The following KNDC1 variants were observed in gnomAD, a reference collection of about 807,000 sequenced individuals.
The protein encoded by KNDC1 is kinase non-catalytic C-lobe domain-containing protein 1.
Under a neutral mutation model 172.8 loss-of-function variants are expected in KNDC1, and 106 were observed. That is an observed-to-expected ratio of 0.61 (90% CI 0.52 to 0.72). The LOEUF (loss-of-function observed/expected upper bound fraction) is 0.72. Ranked by LOEUF, KNDC1 falls within the 30% of genes least tolerant of loss-of-function variation. KNDC1 has a pLI of 0.00. For synonymous variants in KNDC1, 1,083 were observed against 1,062.2 expected (o/e 1.02, Z -0.38); for missense variants, 2,325 against 2,394.5 (o/e 0.97, Z 0.61).
In KNDC1 at chr10:133,211,506, C is replaced by T. The variant is rs755588667; in HGVS notation, c.3993C>T (p.Tyr1331=). 1.8e-5 allele frequency: 29 copies of T among 1,613,882 alleles called. No individual in the cohort carries two copies. Among genetic ancestry groups the T allele is most frequent in the Non-Finnish European group, 2.3e-5 (27 of 1,179,906 alleles). Residue 1331 remains tyrosine, a synonymous_variant, in exon 22 of 30, where the codon TAC becomes TAT. Transcript: ENST00000304613. ...TGCAGGCCTGGGTGGAGGACTGCTACGCTGTGGACTTCCCTCGGAACAGCG... is the reference window on the plus strand; with the variant it reads ...TGCAGGCCTGGGTGGAGGACTGCTATGCTGTGGACTTCCCTCGGAACAGCG... ...CVLQAWVEDC[Y]AVDFPRNSGL...
At chr10:133,177,321 G>A (rs1196424073) in intron 3 of KNDC1, among the ~76,000 whole-genome samples, 1 of 152,016 alleles carries the variant, frequency 6.6e-6, no homozygotes, top group African/African-American at 2.4e-5. Context: ...CATGTATGTA[G>A]CGTGGTGTCA....
intron 26 of KNDC1, among the ~76,000 whole-genome samples, chr10:133,215,232 T>G (rs1845448660): frequency 1.3e-5 from 2 of 152,228 alleles, no homozygotes; most frequent in South Asian, 4.1e-4. Flanking sequence ...CCGTCCCTGC[T>G]GCTGTCCCAG....
intron 11 of KNDC1, 121 bp from the exon 12 acceptor site, chr10:133,197,554 C>T (rs960848884): frequency 2.6e-6 from 2 of 783,038 alleles, no homozygotes; most frequent in Non-Finnish European, 4.4e-6. Context: ...CCGCCATGCC[C>T]GGCTCCTCCC....
At chr10:133,165,457 C>T (rs1218670242) in intron 1 of KNDC1, among the ~76,000 whole-genome samples, 1 of 152,124 alleles carries the variant, frequency 6.6e-6, no homozygotes, top group Non-Finnish European at 1.5e-5. Flanking sequence ...GAGTGACAGC[C>T]AGAGGCACCC....
chr10:133,211,432 G>A lies in KNDC1; in HGVS notation c.3919G>A (p.Asp1307Asn). The A allele has an allele frequency of 6.2e-7, 1 of 1,613,086 alleles. No homozygotes were observed. Among genetic ancestry groups the A allele is most frequent in the Non-Finnish European group, 8.5e-7 (1 of 1,179,736 alleles). The change falls in exon 22 of 30, where the codon GAC becomes AAC. Residue 1307 changes from aspartate (D) to asparagine (N), a missense_variant. Asp to Asn is a conservative substitution (Grantham distance 23). Coordinates refer to ENST00000304613, the MANE Select transcript of KNDC1 (RefSeq NM_152643.8). ...CCCCTGCGTCTCCAGGGCCCACCAGGACCCCACCTCGACCTTCACCAAGAT... is the reference window on the plus strand; with the variant it reads ...CCCCTGCGTCTCCAGGGCCCACCAGAACCCCACCTCGACCTTCACCAAGAT... ...INSTLTRAHQ[D>N]PTSTFTKIYR...
intron 29 of KNDC1, among the ~76,000 whole-genome samples, chr10:133,223,943 G>A (rs1390452921): frequency 7.3e-6 from 1 of 136,242 alleles, no homozygotes; most frequent in Non-Finnish European, 1.6e-5. Flanking sequence ...GCGTGTGTGT[G>A]TGTGTGTGAG....
chr10:133,210,364 CAAAAAAAA>C (rs57759593), intron 20 of KNDC1, among the ~76,000 whole-genome samples: 6 of 74,470 alleles, frequency 8.1e-5, no homozygotes, highest in Admixed American at 1.8e-4. Flanking sequence ...GAAACTCTGC[CAAAAAAAA>C]AAAAAAAAAA....
rs1845525613 is a variant in KNDC1 at position 133,218,959 on chromosome 10, TC to T, written c.4800+11del. 1 of 1,613,544 alleles carries T rather than the reference TC, an allele frequency of 6.2e-7. No homozygotes were observed. Among genetic ancestry groups the T allele is most frequent in the Non-Finnish European group, 8.5e-7 (1 of 1,179,820 alleles). On this transcript the variant is annotated splice_region_variant and intron_variant, in intron 27 of 29. Coordinates refer to ENST00000304613, the MANE Select transcript of KNDC1 (RefSeq NM_152643.8). The stretch of plus-strand genomic sequence containing the variant: ...TGGCCGTGAGGCAGTCCCCTGTGCG[TC>T]CCCCTCGGGCCCCAAGGCGGGGGTG...
chr10:133,197,749 A>G lies in KNDC1; in HGVS notation c.1887A>G (p.Pro629=). 2 of 1,612,412 alleles carry G rather than the reference A, an allele frequency of 1.2e-6. No homozygotes were observed. The highest frequency in any genetic ancestry group is 1.7e-5 in the Admixed American group (1 of 60,010). ...TTGAACTGAAGCCCAGTGTGGCACC[A>G]GCCCCAGAGCCCAGCCCAGGTGGGG... ...SVVELKPSVA[P]APEPSPGFLP... Residue 629 remains proline, a synonymous_variant, in exon 12 of 30, where the codon CCA becomes CCG. Transcript: ENST00000304613.
At chr10:133,162,237 C>G (rs1852999626) in intron 1 of KNDC1, among the ~76,000 whole-genome samples, 1 of 152,194 alleles carries the variant, frequency 6.6e-6, no homozygotes, top group African/African-American at 2.4e-5. Flanking sequence ...TCAGAATTCC[C>G]CTGGCGTTCA....
intron 3 of KNDC1, among the ~76,000 whole-genome samples, chr10:133,170,140 G>A (rs75791059): frequency 1.4e-4 from 22 of 152,338 alleles, no homozygotes; most frequent in Middle Eastern, 3.4e-3. Context: ...TTAAATCCCC[G>A]CTTGTGAGGG....
chr10:133,161,543 G>A (rs1392644772), intron 1 of KNDC1, among the ~76,000 whole-genome samples: 5 of 152,092 alleles, frequency 3.3e-5, no homozygotes, highest in Non-Finnish European at 7.4e-5. Context: ...AGTTTCTGCT[G>A]TGGAAGCACC....
Position 133,198,887 on chromosome 10 carries a change from C to A in KNDC1, c.2379C>A (p.Pro793=). Reference sequence around the variant, plus strand: ...CGCCCACGAAGGCATCTGCGCTGCCCGTAGAGCAAGGGCCGGCTGAGCCGA... The same window carrying A: ...CGCCCACGAAGGCATCTGCGCTGCCAGTAGAGCAAGGGCCGGCTGAGCCGA... ...PAPPTKASAL[P]VEQGPAEPIP... Residue 793 remains proline, a synonymous_variant, in exon 14 of 30, where the codon CCC becomes CCA. Coordinates refer to ENST00000304613, the MANE Select transcript of KNDC1 (RefSeq NM_152643.8). 6.3e-7 allele frequency: 1 copy of A among 1,593,774 alleles called. No individual in the cohort carries two copies. Among genetic ancestry groups the A allele is most frequent in the East Asian group, 2.3e-5 (1 of 44,204 alleles).
chr10:133,225,303 C>T lies in KNDC1; in HGVS notation c.*413C>T, dbSNP rs1845697854. Reference sequence around the variant, plus strand: ...TCAACAAACTTCAGAGTAGCTCCTCCCTGAGCAGGTTTCTGAGCCAGCCTG... The same window carrying T: ...TCAACAAACTTCAGAGTAGCTCCTCTCTGAGCAGGTTTCTGAGCCAGCCTG... On this transcript the variant is annotated 3_prime_UTR_variant, in exon 30 of 30. Transcript: ENST00000304613. 9.4e-6 allele frequency: 2 copies of T among 212,314 alleles called. No homozygotes were observed. Among genetic ancestry groups the T allele is most frequent in the Non-Finnish European group, 1.9e-5 (2 of 105,268 alleles). The allele number at this position is 212,314 out of a possible 1,614,324, so 13.2% of individuals were successfully genotyped here. A position where few individuals can be genotyped will look rare whatever the true frequency, so the allele number is the denominator to read the frequency against.
At chr10:133,173,022 A>G (rs1029671385) in intron 3 of KNDC1, among the ~76,000 whole-genome samples, 1 of 151,866 alleles carries the variant, frequency 6.6e-6, no homozygotes, top group Non-Finnish European at 1.5e-5. Context: ...TAGTTATAGG[A>G]CTGATCTCTG....
In KNDC1 at chr10:133,201,986, C is replaced by T. The variant is rs376602331; in HGVS notation, c.3387+88C>T. The T allele has an allele frequency of 2.6e-5, 36 of 1,404,286 alleles. No individual in the cohort carries two copies. The African/African-American group carries it at 4.1e-4, about 16-fold the overall frequency. 87.0% of individuals were successfully genotyped at this position (1,404,286 alleles called of 1,614,324 possible). Reference sequence around the variant, plus strand: ...GGTCACTGCAGGTGACAGATGGCACCGTGTGCCCAGAGCCCCCAACAGGGT... The same window carrying T: ...GGTCACTGCAGGTGACAGATGGCACTGTGTGCCCAGAGCCCCCAACAGGGT... On this transcript the variant is annotated intron_variant, in intron 17 of 29. Transcript: ENST00000304613.
At chr10:133,212,562 G>C (rs1242183772) in intron 23 of KNDC1, among the ~76,000 whole-genome samples, 154 bp from the exon 24 acceptor site, 1 of 152,236 alleles carries the variant, frequency 6.6e-6, no homozygotes, top group Non-Finnish European at 1.5e-5. Flanking sequence ...ACAGCTGCGG[G>C]TGGGCAGGCT....
rs1310075708 is a variant in KNDC1, at chr10:133,220,090, G to A, written c.4996G>A (p.Ala1666Thr). 5.1e-6 allele frequency: 8 copies of A among 1,566,878 alleles called. No individual in the cohort carries two copies. The South Asian group carries it at 7.0e-5, about 14-fold the overall frequency. ...ETGGFTMTNG[A>T]HRWSKLRNIA... is the part of the protein sequence containing the mutation. Reference sequence around the variant, plus strand: ...AGGCGGCTTCACCATGACCAACGGGGCCCACAGGTGGAGCAAGCTCAGGTG... The same window carrying A: ...AGGCGGCTTCACCATGACCAACGGGACCCACAGGTGGAGCAAGCTCAGGTG... The change falls in exon 29 of 30, where the codon GCC (alanine) becomes ACC (threonine). Residue 1666 changes from alanine (A) to threonine (T), a missense_variant. Transcript: ENST00000304613.
rs1845682211 is a variant in KNDC1, at chr10:133,224,590, G to C, written c.5019-69G>C. On this transcript the variant is annotated intron_variant, in intron 29 of 29. Coordinates refer to ENST00000304613, the MANE Select transcript of KNDC1 (RefSeq NM_152643.8). The surrounding 1 kb of genome is among the most constrained non-coding windows in gnomAD (Gnocchi z 5.4). ...CAAATGATTCCTAAGAACGCGGGGGGACTCCCTCCCCACGGAAGCCGCGCC... is the reference window on the plus strand; with the variant it reads ...CAAATGATTCCTAAGAACGCGGGGGCACTCCCTCCCCACGGAAGCCGCGCC... The C allele has an allele frequency of 4.6e-6, 5 of 1,097,362 alleles. No homozygotes were observed. In the South Asian group the frequency reaches 5.8e-5, roughly 13 times the overall value. The allele number at this position is 1,097,362 out of a possible 1,614,324, so 68.0% of individuals were successfully genotyped here.
Sources: allele counts gnomAD v4.1 joint callset (sites outside exome capture counted in the v4.1 genomes callset), GRCh38; gene constraint gnomAD v4.1.1; non-coding constraint Gnocchi (gnomAD v3.1); transcripts MANE v1.5; gene names NCBI Gene and HGNC (gene_info 2026-07-23, HGNC 2026-07-21).